The following TMEM33 variants were observed in gnomAD, a reference collection of about 807,000 sequenced individuals.
TMEM33 encodes the protein transmembrane protein 33.
A neutral mutation model predicts 29.7 loss-of-function variants in TMEM33; 16 were observed. That is an observed-to-expected ratio of 0.54 (90% confidence interval 0.36 to 0.82). The LOEUF is 0.82. Ranked by LOEUF, TMEM33 falls within the 40% of genes least tolerant of loss-of-function variation. TMEM33 has a pLI of 0.00. For missense variants in TMEM33, 252 were observed against 295.3 expected (o/e 0.85, Z 1.08); for synonymous variants, 112 against 109.4 (o/e 1.02, Z -0.15).
At chr4:41,938,745 T>TTTA (rs1712373665) in intron 2 of TMEM33, 49 bp downstream of exon 2, 1 of 1,572,106 alleles carries the variant, frequency 6.4e-7, no homozygotes, top group South Asian at 1.1e-5. Flanking sequence ...GTTGAGTCAG[T>TTTA]TTATATGGAG....
At position 41,939,219 on chromosome 4, in the gene TMEM33, A is replaced by T; in HGVS notation, c.164A>T (p.Tyr55Phe). 6.2e-7 allele frequency: 1 copy of T among 1,601,722 alleles called. No individual in the cohort carries two copies. The highest frequency in any genetic ancestry group is 8.5e-7 in the Non-Finnish European group (1 of 1,176,444). The change falls in exon 3 of 7, where the codon TAC (tyrosine) becomes TTC (phenylalanine). Residue 55 changes from tyrosine to phenylalanine, a missense_variant. Tyr to Phe is a conservative substitution (Grantham distance 22). Transcript: ENST00000504986. Reference sequence around the variant, plus strand: ...AGGTTGCATGAAGCAGCAAGCTTTTACCAACGTGCTTTGCTGGCAAATGCT... The same window carrying T: ...AGGTTGCATGAAGCAGCAAGCTTTTTCCAACGTGCTTTGCTGGCAAATGCT... ...LLGLHEAASF[Y>F]QRALLANALT...
chr4:41,956,982 T>C lies in TMEM33; in HGVS notation c.*2783T>C, dbSNP rs566707735. The C allele has an allele frequency of 3.9e-5, 6 of 152,298 alleles. No individual in the cohort carries two copies. In the South Asian group the frequency reaches 1.2e-3, roughly 32 times the overall value. The allele number at this position is 152,298 out of a possible 1,614,324, so 9.4% of individuals were successfully genotyped here. The stretch of plus-strand genomic sequence containing the variant: ...ACAATAGCAATATATAGAATGAATG[T>C]AGTAACAGAAATTAACTCTTTACTG... On this transcript the variant is annotated 3_prime_UTR_variant, in exon 7 of 7. Coordinates refer to ENST00000504986, the MANE Select transcript of TMEM33 (RefSeq NM_018126.3).
chr4:41,936,074 C>T (rs947405845), intron 1 of TMEM33, among the ~76,000 whole-genome samples: 2 of 152,156 alleles, frequency 1.3e-5, no homozygotes, highest in African/African-American at 4.8e-5. Context: ...GTTATTTGTG[C>T]CCGGAGCATT....
Position 41,960,490 on chromosome 4 carries a change from T to C in TMEM33, c.*6291T>C, listed in dbSNP as rs1282274313. ...ATGCAAATTCAATTGTTCCTTCATCTGTATTGTTATATCTAAGATTTTATT... is the reference window on the plus strand; with the variant it reads ...ATGCAAATTCAATTGTTCCTTCATCCGTATTGTTATATCTAAGATTTTATT... On this transcript the variant is annotated 3_prime_UTR_variant, in exon 7 of 7. Coordinates refer to ENST00000504986, the MANE Select transcript of TMEM33 (RefSeq NM_018126.3). 6 of 152,224 alleles carry C rather than the reference T, an allele frequency of 3.9e-5. No individual in the cohort carries two copies. Among genetic ancestry groups the C allele is most frequent in the Non-Finnish European group, 7.4e-5 (5 of 68,018 alleles). 9.4% of individuals were successfully genotyped at this position (152,224 alleles called of 1,614,324 possible).
chr4:41,940,936 G>C (rs1490431549), intron 3 of TMEM33, among the ~76,000 whole-genome samples: 1 of 152,102 alleles, frequency 6.6e-6, no homozygotes, highest in African/African-American at 2.4e-5. Context: ...CCACACATTG[G>C]CTAGTAAGTA....
rs1232517152 is a variant in TMEM33, at chr4:41,959,840, GGCATTACTTTTGGT to G, written c.*5644_*5657del. 6.6e-6 allele frequency: 1 copy of G among 152,054 alleles called. No homozygotes were observed. The highest frequency in any genetic ancestry group is 1.5e-5 in the Non-Finnish European group (1 of 67,994). The allele number at this position is 152,054 out of a possible 1,614,324, so 9.4% of individuals were successfully genotyped here. A position where few individuals can be genotyped will look rare whatever the true frequency, so the allele number is the denominator to read the frequency against. The stretch of plus-strand genomic sequence containing the variant: ...CATAAAAAATGGCTTGATTTATAAA[GGCATTACTTTTGGT>G]GCTTTATATAATGGCATATATTGAA... On this transcript the variant is annotated 3_prime_UTR_variant, in exon 7 of 7. Transcript: ENST00000504986.
chr4:41,945,222 A>G (rs911558435), intron 5 of TMEM33, among the ~76,000 whole-genome samples: 2 of 152,204 alleles, frequency 1.3e-5, no homozygotes, highest in African/African-American at 2.4e-5. Context: ...GTCTGTCACT[A>G]TTGAGATGAT....
rs1019993276 is a variant in TMEM33, at chr4:41,955,577, T to C, written c.*1378T>C. Reference sequence around the variant, plus strand: ...TTAGTTTTATTTTTGTTCATCTCCTTATCTATAAAAAGGGGATATTCTTAG... The same window carrying C: ...TTAGTTTTATTTTTGTTCATCTCCTCATCTATAAAAAGGGGATATTCTTAG... On this transcript the variant is annotated 3_prime_UTR_variant, in exon 7 of 7. Coordinates refer to ENST00000504986, the MANE Select transcript of TMEM33 (RefSeq NM_018126.3). 3.3e-5 allele frequency: 5 copies of C among 152,662 alleles called. No homozygotes were observed. The highest frequency in any genetic ancestry group is 9.6e-5 in the African/African-American group (4 of 41,466). 9.5% of individuals were successfully genotyped at this position (152,662 alleles called of 1,614,324 possible). A position where few individuals can be genotyped will look rare whatever the true frequency, so the allele number is the denominator to read the frequency against.
intron 4 of TMEM33, 22 bp downstream of exon 4, chr4:41,943,836 C>T (rs1280230638): frequency 1.2e-6 from 2 of 1,606,518 alleles, no homozygotes; most frequent in Admixed American, 3.3e-5. Flanking sequence ...TGCTCTTTGT[C>T]TGACTTCTGA....
At chr4:41,945,147 C>T (rs1313667712) in intron 5 of TMEM33, among the ~76,000 whole-genome samples, 1 of 152,114 alleles carries the variant, frequency 6.6e-6, no homozygotes, top group Non-Finnish European at 1.5e-5. Context: ...TATCATTTGA[C>T]ATTTTAAAAA....
intron 6 of TMEM33, among the ~76,000 whole-genome samples, chr4:41,953,516 G>A (rs887250432): frequency 6.6e-6 from 1 of 152,204 alleles, no homozygotes; most frequent in Non-Finnish European, 1.5e-5. Context: ...GGCACAAGAG[G>A]TCTAGCTTTT....
intron 5 of TMEM33, among the ~76,000 whole-genome samples, chr4:41,948,934 T>TTA (rs1712914988): frequency 1.3e-5 from 2 of 152,142 alleles, no homozygotes; most frequent in African/African-American, 2.4e-5. Context: ...TTGTTTCTTT[T>TTA]TATATATATA....
At chr4:41,942,754 A>G (rs932723710) in intron 3 of TMEM33, among the ~76,000 whole-genome samples, 1 of 152,126 alleles carries the variant, frequency 6.6e-6, no homozygotes, top group South Asian at 2.1e-4. Flanking sequence ...ATGTTTATCC[A>G]TGGCATAAAG....
intron 3 of TMEM33, among the ~76,000 whole-genome samples, chr4:41,941,010 ATACT>A (rs1712518581): frequency 1.3e-5 from 2 of 152,142 alleles, no homozygotes; most frequent in Non-Finnish European, 2.9e-5. Flanking sequence ...TGGGTGAGTA[ATACT>A]TAAGTATACA....
intron 6 of TMEM33, among the ~76,000 whole-genome samples, chr4:41,951,190 G>T (rs904783629): frequency 3.3e-5 from 5 of 152,088 alleles, no homozygotes; most frequent in Non-Finnish European, 7.4e-5. Context: ...GTCTATAGCT[G>T]TGCTGTCCAG....
Position 41,960,510 on chromosome 4 carries a change from T to C in TMEM33, c.*6311T>C, listed in dbSNP as rs1713424846. ...TCATCTGTATTGTTATATCTAAGAT[T>C]TTATTGATGTTAAAATCTAATTGTG... On this transcript the variant is annotated 3_prime_UTR_variant, in exon 7 of 7. Coordinates refer to ENST00000504986, the MANE Select transcript of TMEM33 (RefSeq NM_018126.3). The C allele has an allele frequency of 1.3e-5, 2 of 152,236 alleles. No individual in the cohort carries two copies. The highest frequency in any genetic ancestry group is 4.1e-4 in the South Asian group (2 of 4,832). The allele number at this position is 152,236 out of a possible 1,614,324, so 9.4% of individuals were successfully genotyped here.
At position 41,949,449 on chromosome 4, in the gene TMEM33, G is replaced by T. The variant is rs374817264; in HGVS notation, c.614+64G>T. ...AGAGTATTGTGAATATATAGTATTCGCAATTCTTAAGAGTTACTTAGCTAA... is the reference window on the plus strand; with the variant it reads ...AGAGTATTGTGAATATATAGTATTCTCAATTCTTAAGAGTTACTTAGCTAA... On this transcript the variant is annotated intron_variant, in intron 6 of 6. Transcript: ENST00000504986. 11 of 1,294,538 alleles carry T rather than the reference G, an allele frequency of 8.5e-6. No individual in the cohort carries two copies. In the African/African-American group the frequency reaches 1.2e-4, roughly 14 times the overall value. The allele number at this position is 1,294,538 out of a possible 1,614,324, so 80.2% of individuals were successfully genotyped here.
intron 6 of TMEM33, among the ~76,000 whole-genome samples, chr4:41,951,358 G>A (rs1224991592): frequency 6.6e-6 from 1 of 152,152 alleles, no homozygotes; most frequent in African/African-American, 2.4e-5. Flanking sequence ...ATTACTCAAA[G>A]TTCTGTTGTC....
In TMEM33 at chr4:41,938,658, A is replaced by G. The variant is rs1178845025; in HGVS notation, c.102A>G (p.Thr34=). Residue 34 remains threonine, a synonymous_variant, in exon 2 of 7, where the codon ACA becomes ACG. Transcript: ENST00000504986. ...CAATGTGGCTTTCTCGCTTGTTCAC[A>G]GTTTACTGCTCTGCTCTGTTTGTTC... ...DTAMWLSRLF[T]VYCSALFVLP... 3.7e-6 allele frequency: 6 copies of G among 1,614,128 alleles called. No homozygotes were observed. The highest frequency in any genetic ancestry group is 3.3e-5 in the Admixed American group (2 of 60,030).
Sources: gnomAD v4.1 joint callset for allele counts (sites outside exome capture counted in the v4.1 genomes callset) on GRCh38, gnomAD v4.1.1 for gene constraint, MANE v1.5 for transcripts, NCBI Gene and HGNC (gene_info 2026-07-23, HGNC 2026-07-21) for gene names.